The following CLPTM1 variants were observed in gnomAD, a reference collection of about 807,000 sequenced individuals.
CLPTM1 encodes the protein CLPTM1 regulator of GABA type A receptor forward trafficking.
CLPTM1 carries 21 observed loss-of-function variants against 77.3 expected under a neutral mutation model. The observed-to-expected ratio is 0.27, with a 90% CI of 0.19 to 0.39. The LOEUF (loss-of-function observed/expected upper bound fraction) is 0.39. Ranked by LOEUF, CLPTM1 falls within the 10% of genes least tolerant of loss-of-function variation. The probability of loss-of-function intolerance (pLI) is 1.00; values close to 1 mark genes in which losing one functional copy is unlikely to be tolerated. For synonymous variants in CLPTM1, 373 were observed against 381.0 expected, an observed-to-expected ratio of 0.98 and a Z score of 0.24; for missense variants, 642 against 921.2, an observed-to-expected ratio of 0.70 and a Z score of 3.92.
intron 6 of CLPTM1, 93 bp downstream of exon 6, chr19:44,985,396 C>T (rs536388064): frequency 1.2e-6 from 1 of 862,604 alleles, no homozygotes; most frequent in African/African-American, 1.7e-5. Flanking sequence ...GTCACCACCA[C>T]TGAACCACCA....
In CLPTM1 at chr19:44,988,099, A is replaced by G. The variant is rs757506581; in HGVS notation, c.1058A>G (p.Asn353Ser). ...CTGCAGGTGGCCCTGCTGGAGACCA[A>G]CCCCTACCTGCTGGCGCTCACCATC... ...DSVKVALLETNPYLLALTIIV... is the reference protein window; with the variant it reads ...DSVKVALLETSPYLLALTIIV... Residue 353 changes from asparagine (N) to serine (S), a missense_variant, in exon 9 of 14, where the codon AAC becomes AGC. Coordinates refer to ENST00000337392, the MANE Select transcript of CLPTM1 (RefSeq NM_001294.4). 29 of 1,613,294 alleles carry G rather than the reference A, an allele frequency of 1.8e-5. No individual in the cohort carries two copies. The Admixed American group carries it at 3.3e-4, about 19-fold the overall frequency.
At chr19:44,963,633 T>G (rs1192750515) in intron 2 of CLPTM1, among the ~76,000 whole-genome samples, 1 of 148,370 alleles carries the variant, frequency 6.7e-6, no homozygotes, top group Non-Finnish European at 1.5e-5. Flanking sequence ...CCTATTTTTA[T>G]TTTTGTAATG....
rs775092521 is a variant in CLPTM1 at position 44,990,381 on chromosome 19, C to A, written c.1133-14C>A. The A allele has an allele frequency of 6.2e-7, 1 of 1,612,702 alleles. No homozygotes were observed. The highest frequency in any genetic ancestry group is 2.2e-5 in the East Asian group (1 of 44,856). The stretch of plus-strand genomic sequence containing the variant: ...TCCTCAGCCTCCTGGTTCCCCCCTA[C>A]CCCCTGCGCACAGATATCCAGTTCT... On this transcript the variant is annotated splice_polypyrimidine_tract_variant and intron_variant, in intron 9 of 13. Coordinates refer to ENST00000337392, the MANE Select transcript of CLPTM1 (RefSeq NM_001294.4). The surrounding 1 kb of genome is among the most constrained non-coding windows in gnomAD (Gnocchi z 4.8).
intron 5 of CLPTM1, among the ~76,000 whole-genome samples, chr19:44,981,132 C>T (rs889040762): frequency 2.7e-5 from 4 of 149,470 alleles, no homozygotes; most frequent in Non-Finnish European, 4.4e-5. Flanking sequence ...TGAGCCAGCG[C>T]GCCTGGCCTA....
intron 5 of CLPTM1, among the ~76,000 whole-genome samples, chr19:44,982,417 C>A (rs563778592): frequency 6.6e-6 from 1 of 151,968 alleles, no homozygotes; most frequent in African/African-American, 2.4e-5. Flanking sequence ...GCCATATTTG[C>A]AGTGCCCAGT....
At chr19:44,983,214 G>T (rs1970924961) in intron 5 of CLPTM1, among the ~76,000 whole-genome samples, 1 of 152,122 alleles carries the variant, frequency 6.6e-6, no homozygotes, top group Non-Finnish European at 1.5e-5. Context: ...TGCCCCCAGA[G>T]CCCCCGCTGT....
In CLPTM1 at chr19:44,988,146, G is replaced by A. The variant is rs1205983888; in HGVS notation, c.1105G>A (p.Val369Ile). Residue 369 changes from valine to isoleucine, a missense_variant, in exon 9 of 14, where the codon GTC becomes ATC. Around this residue, in one of 2 missense-constraint regions of CLPTM1, gnomAD observed 521 missense variants for 800.4 expected, o/e 0.65. Transcript: ENST00000337392. ...LTIIVSIVHS[V>I]FEFLAFKNDI... ...CATCATCGTGTCTATCGTTCACAGT[G>A]TCTTCGAGTTCCTGGCCTTCAAGAA... The A allele has an allele frequency of 6.2e-7, 1 of 1,614,066 alleles. No individual in the cohort carries two copies. Among genetic ancestry groups the A allele is most frequent in the Admixed American group, 1.7e-5 (1 of 60,020 alleles).
intron 5 of CLPTM1, among the ~76,000 whole-genome samples, chr19:44,983,439 T>C (rs2122313095): frequency 6.6e-6 from 1 of 151,092 alleles, no homozygotes; most frequent in East Asian, 2.0e-4. Context: ...GGCAACATGG[T>C]GACACCCTGT....
At chr19:44,987,933 C>T in intron 8 of CLPTM1, 147 bp from the exon 9 acceptor site, 4 of 688,206 alleles carry the variant, frequency 5.8e-6, no homozygotes, top group Non-Finnish European at 1.0e-5. Context: ...TCTCTCTCCC[C>T]ATCTGCCCAT....
At chr19:44,968,513 C>T (rs1970669297) in intron 2 of CLPTM1, among the ~76,000 whole-genome samples, 2 of 152,194 alleles carry the variant, frequency 1.3e-5, no homozygotes, top group African/African-American at 4.8e-5. Flanking sequence ...TCTTTGCTTA[C>T]TCAAGTACAT....
rs562980787 is a variant in CLPTM1 at position 44,963,099 on chromosome 19, TCAGGAGGCTGAGGG to T, written c.185+1031_185+1044del. On this transcript the variant is annotated intron_variant, in intron 2 of 13. Coordinates refer to ENST00000337392, the MANE Select transcript of CLPTM1 (RefSeq NM_001294.4). ...GGCACGTGCCTGTAGTCCCAGCTACTCAGGAGGCTGAGGGCAGGAGAATCGTTTGAACCCAGGAG... is the reference window on the plus strand; with the variant it reads ...GGCACGTGCCTGTAGTCCCAGCTACTCAGGAGAATCGTTTGAACCCAGGAG... Among the ~76,000 whole-genome samples the T allele has an allele frequency of 2.7e-3, 397 of 148,634 alleles. 2 individuals are homozygous for T. The highest frequency in any genetic ancestry group is 9.4e-3 in the African/African-American group (381 of 40,402).
Position 44,974,431 on chromosome 19 carries a change from C to T in CLPTM1, c.310-8C>T. 1 of 1,609,416 alleles carries T rather than the reference C, an allele frequency of 6.2e-7. No individual in the cohort carries two copies. ...GGCCTGAGCTCTGTTCCCTTCCTGT[C>T]CCAACAGAACCTGCATGTGTACATC... is the stretch of plus-strand genomic sequence containing the variant. On this transcript the variant is annotated splice_region_variant and splice_polypyrimidine_tract_variant and intron_variant, in intron 3 of 13. Coordinates refer to ENST00000337392, the MANE Select transcript of CLPTM1 (RefSeq NM_001294.4).
intron 5 of CLPTM1, among the ~76,000 whole-genome samples, chr19:44,983,490 C>T (rs531727136): frequency 4.0e-5 from 6 of 150,772 alleles, no homozygotes; most frequent in South Asian, 2.1e-4. Flanking sequence ...TGGTGGTACA[C>T]GCCTGTAGTC....
At chr19:44,976,290 T>G (rs1224595219) in intron 4 of CLPTM1, among the ~76,000 whole-genome samples, 1 of 152,142 alleles carries the variant, frequency 6.6e-6, no homozygotes, top group Non-Finnish European at 1.5e-5. Context: ...GGCTTGGATC[T>G]AAGTCGAAGC....
chr19:44,974,090 C>G (rs868342197), intron 3 of CLPTM1, among the ~76,000 whole-genome samples: 71 of 152,162 alleles, frequency 4.7e-4, no homozygotes, highest in African/African-American at 1.6e-3. Flanking sequence ...TAGCTCTGGA[C>G]TGCTTCGTCC....
chr19:44,983,634 A>G (rs1425294829), intron 5 of CLPTM1, among the ~76,000 whole-genome samples: 5 of 149,298 alleles, frequency 3.3e-5, no homozygotes, highest in African/African-American at 9.8e-5. Context: ...AAAAAAAAAA[A>G]AAAAAAAAAA....
rs998710713 is a variant in CLPTM1, at chr19:44,955,415, C to T, written c.20C>T (p.Ala7Val). MAAAQEADGARSAVVAA... is the reference protein window; with the variant it reads MAAAQEVDGARSAVVAA... ...GGGAAGATGGCGGCGGCGCAGGAGG[C>T]GGACGGGGCCCGCAGCGCCGTGGTG... Residue 7 changes from alanine (A) to valine (V), a missense_variant, in exon 1 of 14, where the codon GCG becomes GTG. Ala to Val is a moderately conservative substitution (Grantham distance 64, BLOSUM62 0). Transcript: ENST00000337392. The T allele has an allele frequency of 3.1e-5, 41 of 1,318,916 alleles. No homozygotes were observed. Among genetic ancestry groups the T allele is most frequent in the Non-Finnish European group, 3.9e-5 (40 of 1,032,424 alleles). 81.7% of individuals were successfully genotyped at this position (1,318,916 alleles called of 1,614,324 possible).
chr19:44,954,730 G>C (rs1341434186), upstream of CLPTM1: 23 of 1,268,342 alleles, frequency 1.8e-5, no homozygotes, highest in South Asian at 4.1e-4. Context: ...ACGCGCATGC[G>C]TGCTAGGCAG....
intron 2 of CLPTM1, among the ~76,000 whole-genome samples, chr19:44,965,228 G>A (rs769342361): frequency 6.6e-6 from 1 of 152,176 alleles, no homozygotes; most frequent in Non-Finnish European, 1.5e-5. Flanking sequence ...CGCCAGGTGC[G>A]GTGGCTCACG....
Sources: gnomAD v4.1 joint callset for allele counts (sites outside exome capture counted in the v4.1 genomes callset) on GRCh38, gnomAD v4.1.1 for gene constraint, gnomAD v4.1.1 regional missense constraint, Gnocchi (gnomAD v3.1) non-coding constraint, MANE v1.5 for transcripts, NCBI Gene and HGNC (gene_info 2026-07-23, HGNC 2026-07-21) for gene names.